Variants in TENM3 observed in about 807,000 individuals in gnomAD.
TENM3 encodes teneurin transmembrane protein 3, also known as teneurin-3.
In TENM3, 63 loss-of-function variants were observed where a neutral mutation model predicts 255.1. The observed-to-expected ratio is 0.25, with a 90% CI of 0.20 to 0.30. The LOEUF (loss-of-function observed/expected upper bound fraction) is 0.30. Ranked by LOEUF, TENM3 falls within the 10% of genes least tolerant of loss-of-function variation. TENM3 has a pLI of 1.00. For missense variants in TENM3, 2,929 were observed against 3,461.1 expected (o/e 0.85, Z 3.86); for synonymous variants, 1,306 against 1,322.3 (o/e 0.99, Z 0.27).
chr4:182,772,737 T>G (rs1764352169), intron 22 of TENM3: 1 of 151,974 alleles, frequency 6.6e-6, no homozygotes, highest in South Asian at 2.1e-4. Flanking sequence ...CTCTTGTATT[T>G]GTCTGCTAAA....
intron 3 of TENM3, among the ~76,000 whole-genome samples, chr4:182,463,274 C>T (rs1580638385): frequency 6.6e-6 from 1 of 151,968 alleles, no homozygotes; most frequent in African/African-American, 2.4e-5. Flanking sequence ...CTCGGTGTTA[C>T]TCTGTTTGAT....
intron 1 of TENM3, among the ~76,000 whole-genome samples, chr4:182,266,733 G>A (rs1326558467): frequency 2.0e-5 from 3 of 152,084 alleles, no homozygotes; most frequent in African/African-American, 4.8e-5. Context: ...GAGTCTATTT[G>A]CATAAATGTA....
At chr4:182,578,314 G>T (rs140726008) in intron 3 of TENM3, among the ~76,000 whole-genome samples, 16 of 152,174 alleles carry the variant, frequency 1.1e-4, no homozygotes, top group Admixed American at 1.0e-3. Context: ...AGTTCTAATC[G>T]CCTACCCTGC....
At chr4:181,577,166 ATATAT>A in the TENM3 span, among the ~76,000 whole-genome samples, 190 of 132,810 alleles carry the variant, frequency 1.4e-3, no homozygotes, top group Non-Finnish European at 2.0e-3. Flanking sequence ...TATAAATAAT[ATATAT>A]TATATTATAT....
intron 1 of TENM3, among the ~76,000 whole-genome samples, chr4:182,176,044 C>T (rs1291205261): frequency 2.0e-5 from 3 of 152,040 alleles, no homozygotes; most frequent in African/African-American, 4.8e-5. Context: ...TTTTAGTTAT[C>T]GTTTATAGTT....
At chr4:181,927,812 G>A in the TENM3 span, among the ~76,000 whole-genome samples, 8 of 152,202 alleles carry the variant, frequency 5.3e-5, no homozygotes, top group Non-Finnish European at 1.2e-4. Context: ...CTGAGACGAA[G>A]CTTCCAGAGG....
chr4:181,978,579 G>A, the TENM3 span, among the ~76,000 whole-genome samples: 218 of 151,500 alleles, frequency 1.4e-3, 3 homozygotes, highest in South Asian at 6.3e-4. Flanking sequence ...CCTGGGAGGT[G>A]GAGGTTGCAG....
At chr4:181,581,557 G>A in the TENM3 span, among the ~76,000 whole-genome samples, 1 of 152,064 alleles carries the variant, frequency 6.6e-6, no homozygotes, top group Non-Finnish European at 1.5e-5. Flanking sequence ...GAAGACCAAA[G>A]AAGACCAAAC....
intron 3 of TENM3, among the ~76,000 whole-genome samples, chr4:182,545,278 A>T (rs559478429): frequency 6.6e-6 from 1 of 152,054 alleles, no homozygotes; most frequent in African/African-American, 2.4e-5. Context: ...GTTTGTAAGA[A>T]CTCATTAATA....
chr4:182,656,764 T>C (rs1753789256), intron 6 of TENM3, among the ~76,000 whole-genome samples: 1 of 152,228 alleles, frequency 6.6e-6, no homozygotes, highest in Non-Finnish European at 1.5e-5. Flanking sequence ...AATATAATTC[T>C]AAGGAACAAT....
the TENM3 span, among the ~76,000 whole-genome samples, chr4:181,773,548 A>G: frequency 6.6e-6 from 1 of 152,200 alleles, no homozygotes; most frequent in Admixed American, 6.5e-5. Flanking sequence ...TGTTTTGGTC[A>G]CAAGATTTTA....
chr4:181,476,593 A>C, the TENM3 span, among the ~76,000 whole-genome samples: 5 of 152,230 alleles, frequency 3.3e-5, no homozygotes, highest in Admixed American at 3.3e-4. Context: ...CCTGCACAGC[A>C]TGCAATAATC....
the TENM3 span, among the ~76,000 whole-genome samples, chr4:182,042,871 T>C: frequency 2.3e-5 from 2 of 85,456 alleles, no homozygotes; most frequent in East Asian, 3.0e-4. Context: ...AAACAAGTTA[T>C]CGTGTGTGCG....
intron 3 of TENM3, among the ~76,000 whole-genome samples, chr4:182,491,389 ATG>A (rs147076817): frequency 2.2e-4 from 33 of 150,904 alleles, no homozygotes; most frequent in East Asian, 7.8e-4. Context: ...AGTGAAATTT[ATG>A]TGTGTGTGTG....
chr4:182,492,906 A>G (rs1735436673), intron 3 of TENM3, among the ~76,000 whole-genome samples: 1 of 150,988 alleles, frequency 6.6e-6, no homozygotes, highest in African/African-American at 2.4e-5. Flanking sequence ...TTTTTTTTAC[A>G]GTCAAAAGCC....
intron 4 of TENM3, among the ~76,000 whole-genome samples, chr4:182,620,502 T>C (rs953133540): frequency 5.9e-5 from 9 of 152,236 alleles, no homozygotes; most frequent in African/African-American, 2.2e-4. Context: ...ATAGAAAATA[T>C]ACTGACATAG....
chr4:181,891,496 C>T, the TENM3 span, among the ~76,000 whole-genome samples: 1 of 152,232 alleles, frequency 6.6e-6, no homozygotes, highest in East Asian at 1.9e-4. Flanking sequence ...ATCCTAATAC[C>T]TTTCTTATTT....
At chr4:182,373,568 G>T (rs897880524) in intron 3 of TENM3, among the ~76,000 whole-genome samples, 1 of 152,006 alleles carries the variant, frequency 6.6e-6, no homozygotes, top group African/African-American at 2.4e-5. Flanking sequence ...GAACTAATAG[G>T]GTGAGAACTC....
At chr4:181,820,810 A>G in the TENM3 span, among the ~76,000 whole-genome samples, 1 of 152,166 alleles carries the variant, frequency 6.6e-6, no homozygotes, top group Non-Finnish European at 1.5e-5. Flanking sequence ...GTGGCAGCAC[A>G]TGTGGTTCAG....
Sources: allele counts gnomAD v4.1 joint callset (sites outside exome capture counted in the v4.1 genomes callset), GRCh38; gene constraint gnomAD v4.1.1; transcripts MANE v1.5; gene names NCBI Gene and HGNC (gene_info 2026-07-23, HGNC 2026-07-21).